Variants in EXT1 observed in about 807,000 individuals in gnomAD.
EXT1 encodes exostosin-1.
In EXT1, 20 loss-of-function variants were observed where a neutral mutation model predicts 82.5. That is an observed-to-expected ratio of 0.24 (90% CI 0.17 to 0.35). The LOEUF is 0.35. Among genes scored for constraint, EXT1 ranks in the 10% least tolerant of loss-of-function variants. EXT1 has a pLI of 1.00. For missense variants in EXT1, 757 were observed against 936.5 expected, an observed-to-expected ratio of 0.81 and a Z score of 2.50; for synonymous variants, 348 against 350.8, an observed-to-expected ratio of 0.99 and a Z score of 0.09.
chr8:118,041,785 A>G (rs1816536280), intron 1 of EXT1, among the ~76,000 whole-genome samples: 1 of 151,848 alleles, frequency 6.6e-6, no homozygotes, highest in East Asian at 1.9e-4. Flanking sequence ...TGTCTCTACT[A>G]AAAAATACAA....
At chr8:118,063,494 G>A (rs1010846003) in intron 1 of EXT1, among the ~76,000 whole-genome samples, 39 of 152,220 alleles carry the variant, frequency 2.6e-4, no homozygotes, top group African/African-American at 9.2e-4. Flanking sequence ...GGACAGAGGT[G>A]AACCATGACA....
intron 1 of EXT1, among the ~76,000 whole-genome samples, chr8:117,992,707 C>A (rs1187876113): frequency 6.6e-6 from 1 of 152,206 alleles, no homozygotes; most frequent in African/African-American, 2.4e-5. Context: ...ACAAGCAACA[C>A]AAGCCAGATA....
intron 4 of EXT1, among the ~76,000 whole-genome samples, chr8:117,829,326 C>A (rs1186530855): frequency 6.6e-6 from 1 of 152,010 alleles, no homozygotes; most frequent in Non-Finnish European, 1.5e-5. Context: ...AACTTGAGGA[C>A]GGGCGCCCAT....
At chr8:117,964,625 GTTTGTTTGTTTGTT>G (rs1291860555) in intron 1 of EXT1, among the ~76,000 whole-genome samples, 6 of 140,872 alleles carry the variant, frequency 4.3e-5, no homozygotes, top group Non-Finnish European at 6.4e-5. Context: ...GTGTGTGTGT[GTTTGTTTGTTTGTT>G]TGTTTGTTTG....
chr8:117,863,179 T>C (rs1261541923), intron 1 of EXT1, among the ~76,000 whole-genome samples: 5 of 137,706 alleles, frequency 3.6e-5, no homozygotes, highest in African/African-American at 1.2e-4. Flanking sequence ...TTTCTCACAA[T>C]AACTCTAAAA....
chr8:117,881,997 T>C (rs1428626201), intron 1 of EXT1, among the ~76,000 whole-genome samples: 1 of 152,220 alleles, frequency 6.6e-6, no homozygotes, highest in Non-Finnish European at 1.5e-5. Flanking sequence ...TGCTGATCAA[T>C]CTATTGGGAA....
intron 1 of EXT1, among the ~76,000 whole-genome samples, chr8:117,917,595 C>T (rs140496461): frequency 1.4e-4 from 21 of 152,266 alleles, no homozygotes; most frequent in African/African-American, 4.3e-4. Flanking sequence ...TTTAGCTAAG[C>T]GAATGGTTTC....
chr8:117,988,579 C>T (rs1198225173), intron 1 of EXT1, among the ~76,000 whole-genome samples: 2 of 152,176 alleles, frequency 1.3e-5, no homozygotes, highest in African/African-American at 4.8e-5. Flanking sequence ...GGGTCAGGAT[C>T]GGCCGGGCAG....
chr8:117,958,199 C>A (rs549782542), intron 1 of EXT1, among the ~76,000 whole-genome samples: 3 of 151,984 alleles, frequency 2.0e-5, no homozygotes, highest in South Asian at 2.1e-4. Flanking sequence ...GGGAAGAATG[C>A]CTCAGGACTT....
At chr8:117,854,297 A>G (rs529153166) in intron 1 of EXT1, among the ~76,000 whole-genome samples, 36 of 149,926 alleles carry the variant, frequency 2.4e-4, no homozygotes, top group African/African-American at 8.3e-4. Flanking sequence ...TAGGGATTAC[A>G]GGACCTACCC....
chr8:118,062,220 C>T (rs964217231), intron 1 of EXT1, among the ~76,000 whole-genome samples: 9 of 152,190 alleles, frequency 5.9e-5, no homozygotes, highest in Non-Finnish European at 1.2e-4. Flanking sequence ...AAACAATCAT[C>T]GGAACGTCTG....
chr8:117,965,648 TTAGA>T (rs1395715467), intron 1 of EXT1, among the ~76,000 whole-genome samples: 9 of 152,302 alleles, frequency 5.9e-5, no homozygotes, highest in African/African-American at 2.2e-4. Flanking sequence ...ATTTTGTAAG[TTAGA>T]TAGAAACTGT....
At chr8:118,042,799 C>T (rs1169415017) in intron 1 of EXT1, among the ~76,000 whole-genome samples, 1 of 152,230 alleles carries the variant, frequency 6.6e-6, no homozygotes, top group African/African-American at 2.4e-5. Flanking sequence ...CTCCTTCTCA[C>T]CTCTGCCCAC....
chr8:118,041,943 G>C (rs1816539140), intron 1 of EXT1, among the ~76,000 whole-genome samples: 1 of 115,830 alleles, frequency 8.6e-6, no homozygotes, highest in Non-Finnish European at 1.8e-5. Context: ...GCGAGACTCT[G>C]CCTCAGAAAA....
intron 1 of EXT1, among the ~76,000 whole-genome samples, chr8:118,045,791 CTTTT>C (rs144284583): frequency 6.7e-6 from 1 of 148,460 alleles, no homozygotes; most frequent in East Asian, 2.0e-4. Flanking sequence ...GACTGGATGT[CTTTT>C]TTTTTTCTTT....
chr8:118,071,378 C>A (rs1298429179), intron 1 of EXT1, among the ~76,000 whole-genome samples: 1 of 152,070 alleles, frequency 6.6e-6, no homozygotes, highest in East Asian at 1.9e-4. Context: ...GTTACAATGT[C>A]CTTTACTATT....
intron 10 of EXT1, among the ~76,000 whole-genome samples, chr8:117,802,351 T>C (rs1371562023): frequency 1.3e-5 from 2 of 152,234 alleles, no homozygotes; most frequent in Admixed American, 6.5e-5. Context: ...TTAAATGAGA[T>C]AATATACAGT....
Position 117,940,446 on chromosome 8 carries a change from C to A in EXT1, c.963-103245G>T, listed in dbSNP as rs915514018. Reference sequence around the variant, plus strand: ...GGCTTGAAGAAACATTCCCACAGGGCTAAAAGCACTAGGCATCAAGGAAGG... The same window carrying A: ...GGCTTGAAGAAACATTCCCACAGGGATAAAAGCACTAGGCATCAAGGAAGG... On this transcript the variant is annotated intron_variant, in intron 1 of 10. Transcript: ENST00000378204. Among the ~76,000 whole-genome samples the A allele has an allele frequency of 2.6e-5, 4 of 152,180 alleles. No individual in the cohort carries two copies. In the East Asian group the frequency reaches 7.7e-4, roughly 29 times the overall value.
At chr8:117,858,852 A>AG (rs1407511988) in intron 1 of EXT1, among the ~76,000 whole-genome samples, 65 of 34,618 alleles carry the variant, frequency 1.9e-3, no homozygotes, top group African/African-American at 8.1e-3. Flanking sequence ...AAGGAAAGAA[A>AG]GAAAGAAAGA....
Sources: gnomAD v4.1 joint callset for allele counts (sites outside exome capture counted in the v4.1 genomes callset) on GRCh38, gnomAD v4.1.1 for gene constraint, MANE v1.5 for transcripts, NCBI Gene and HGNC (gene_info 2026-07-23, HGNC 2026-07-21) for gene names.